Variants in SNX25 observed in about 807,000 individuals in gnomAD.
SNX25 encodes the protein sorting nexin-25.
Under a neutral mutation model 113.7 loss-of-function variants are expected in SNX25, and 62 were observed. The ratio of observed to expected loss-of-function variants is 0.55; its 90% CI spans 0.44 to 0.67. The LOEUF (loss-of-function observed/expected upper bound fraction) is 0.67, where lower values mean the gene tolerates loss of function less well. SNX25 is among the 30% of genes least tolerant of loss of function. The pLI is 0.00. For synonymous variants in SNX25, 421 were observed against 436.2 expected, an observed-to-expected ratio of 0.97 and a Z score of 0.43; for missense variants, 1,014 against 1,161.0, an observed-to-expected ratio of 0.87 and a Z score of 1.84.
downstream of SNX25, chr4:185,370,986 A>C (rs1369169000): frequency 5.1e-6 from 3 of 592,724 alleles, no homozygotes; most frequent in Admixed American, 3.0e-5. Context: ...ATACCAGGAG[A>C]AGATGAGCTT....
Position 185,346,594 on chromosome 4 carries a change from T to A in SNX25, c.2245T>A (p.Ser749Thr), listed in dbSNP as rs148782130. ...LPSLSKLPFK[S>T]IDQKFMEKSK... The stretch of plus-strand genomic sequence containing the variant: ...TTCTCTTAGCAAGCTGCCTTTCAAA[T>A]CTATAGATCAAAAGTTTATGGAAAA... The change falls in exon 13 of 19, where the codon TCT becomes ACT. Residue 749 changes from serine to threonine, a missense_variant. Coordinates refer to ENST00000652585, the MANE Select transcript of SNX25 (RefSeq NM_001378034.2). 1.3e-6 allele frequency: 2 copies of A among 1,596,224 alleles called. No individual in the cohort carries two copies. The highest frequency in any genetic ancestry group is 1.4e-5 in the African/African-American group (1 of 73,620).
chr4:185,296,323 G>A (rs763521078), intron 6 of SNX25, among the ~76,000 whole-genome samples: 8 of 152,086 alleles, frequency 5.3e-5, no homozygotes, highest in Non-Finnish European at 8.8e-5. Flanking sequence ...AAGACAACCC[G>A]TAGAGCTCTT....
At chr4:185,208,684 C>A (rs374565547), upstream of SNX25, among the ~76,000 whole-genome samples, 27 of 151,918 alleles carry the variant, frequency 1.8e-4, no homozygotes, top group South Asian at 6.3e-4. Flanking sequence ...GCCGAGATCG[C>A]CCCACTGCAC....
chr4:185,367,303 C>CAT, downstream of SNX25: 1 of 1,105,354 alleles, frequency 9.0e-7, no homozygotes, highest in Non-Finnish European at 1.3e-6. Flanking sequence ...GGTCTTTCTT[C>CAT]TTTTTTTTTT....
intron 5 of SNX25, among the ~76,000 whole-genome samples, chr4:185,272,136 G>A (rs950986197): frequency 6.6e-6 from 1 of 152,212 alleles, no homozygotes; most frequent in Non-Finnish European, 1.5e-5. Context: ...AGCAGTGACT[G>A]ACTCTGCTAA....
Position 185,259,090 on chromosome 4 carries a change from C to T in SNX25, c.731+26C>T, listed in dbSNP as rs565678905. ...GTAACTGTTCTAAGCAACTTACCCC[C>T]TTTTTTGCATTAATTTTTTTTAATT... is the stretch of plus-strand genomic sequence containing the variant. On this transcript the variant is annotated intron_variant, in intron 3 of 18. Coordinates refer to ENST00000652585, the MANE Select transcript of SNX25 (RefSeq NM_001378034.2). 6.3e-6 allele frequency: 10 copies of T among 1,585,404 alleles called. 1 individual carries two copies. In the South Asian group the frequency reaches 1.0e-4, roughly 16 times the overall value.
Position 185,321,142 on chromosome 4 carries a change from C to A in SNX25, c.1476+278C>A, listed in dbSNP as rs1033700654. Among the ~76,000 whole-genome samples the A allele has an allele frequency of 1.3e-5, 2 of 152,002 alleles. 1 individual carries two copies. The highest frequency in any genetic ancestry group is 1.3e-4 in the Admixed American group (2 of 15,254). On this transcript the variant is annotated intron_variant, in intron 8 of 18. Transcript: ENST00000652585. ...ATTTTTTTTACACATTGTAAAAAGA[C>A]ATATACATATCCACATTACTATTAT...
intron 4 of SNX25, among the ~76,000 whole-genome samples, chr4:185,265,790 A>G (rs1185761502): frequency 6.6e-6 from 1 of 152,112 alleles, no homozygotes; most frequent in Non-Finnish European, 1.5e-5. Context: ...TACTATTGAC[A>G]GTGCAATAGG....
At chr4:185,376,842 A>T in the SNX25 span, 1 of 1,118,818 alleles carries the variant, frequency 8.9e-7, no homozygotes, top group Non-Finnish European at 1.3e-6. Flanking sequence ...ACTCTACATG[A>T]AATTTTTGTC....
Position 185,321,875 on chromosome 4 carries a change from G to A in SNX25, c.1476+1011G>A, listed in dbSNP as rs923204736. Reference sequence around the variant, plus strand: ...AATCAGCCATTTACGGAGCATTTACGTTGTATTAGGTATAAGTAATCTAGA... The same window carrying A: ...AATCAGCCATTTACGGAGCATTTACATTGTATTAGGTATAAGTAATCTAGA... On this transcript the variant is annotated intron_variant, in intron 8 of 18. Coordinates refer to ENST00000652585, the MANE Select transcript of SNX25 (RefSeq NM_001378034.2). Among the ~76,000 whole-genome samples the A allele has an allele frequency of 3.9e-5, 6 of 152,076 alleles. No homozygotes were observed. In the South Asian group the frequency reaches 6.2e-4, roughly 16 times the overall value.
At chr4:185,335,316 TCACACACACA>T (rs3047486) in intron 10 of SNX25, among the ~76,000 whole-genome samples, 1,604 of 140,884 alleles carry the variant, frequency 0.011, 22 homozygotes, top group African/African-American at 0.038. Flanking sequence ...TGAAAAAGTC[TCACACACACA>T]CACACACACA....
downstream of SNX25, among the ~76,000 whole-genome samples, chr4:185,373,957 G>A (rs1279993425): frequency 2.0e-5 from 3 of 152,094 alleles, no homozygotes; most frequent in Non-Finnish European, 2.9e-5. Context: ...GGTAGAGGTA[G>A]GGAAGGGGAC....
intron 8 of SNX25, among the ~76,000 whole-genome samples, chr4:185,322,862 T>A (rs1214072993): frequency 6.6e-6 from 1 of 152,258 alleles, no homozygotes; most frequent in Non-Finnish European, 1.5e-5. Flanking sequence ...TTAAATTAGT[T>A]ATGTTCATTA....
chr4:185,301,212 C>T (rs931032220), intron 6 of SNX25, among the ~76,000 whole-genome samples: 1 of 149,566 alleles, frequency 6.7e-6, no homozygotes, highest in African/African-American at 2.6e-5. Flanking sequence ...CACATTTCAA[C>T]ACAGTTGTCT....
intron 1 of SNX25, among the ~76,000 whole-genome samples, chr4:185,231,615 G>A (rs1741883383): frequency 6.6e-6 from 1 of 151,794 alleles, no homozygotes; most frequent in South Asian, 2.1e-4. Context: ...GGAGGCTGAG[G>A]CAGGAGAATG....
intron 8 of SNX25, among the ~76,000 whole-genome samples, chr4:185,322,345 T>G (rs2095126792): frequency 6.6e-6 from 1 of 152,018 alleles, no homozygotes; most frequent in Non-Finnish European, 1.5e-5. Flanking sequence ...GCAAGAGAAT[T>G]GCTTGAACCT....
At chr4:185,356,085 A>C (rs981921538) in intron 15 of SNX25, among the ~76,000 whole-genome samples, 1 of 152,170 alleles carries the variant, frequency 6.6e-6, no homozygotes, top group Non-Finnish European at 1.5e-5. Flanking sequence ...GCAGAATCCT[A>C]GTGCTGCTGC....
At position 185,320,635 on chromosome 4, in the gene SNX25, T is replaced by G. The variant is rs183182795; in HGVS notation, c.1345-98T>G. 56 of 890,450 alleles carry G rather than the reference T, an allele frequency of 6.3e-5. No homozygotes were observed. In the East Asian group the frequency reaches 1.4e-3, roughly 22 times the overall value. 55.2% of individuals were successfully genotyped at this position (890,450 alleles called of 1,614,324 possible). On this transcript the variant is annotated intron_variant, in intron 7 of 18. Coordinates refer to ENST00000652585, the MANE Select transcript of SNX25 (RefSeq NM_001378034.2). ...TTACTTTATTCCTTTAAAAAATGCATTTTTACCCTAAATGTAGAAATCAGT... is the reference window on the plus strand; with the variant it reads ...TTACTTTATTCCTTTAAAAAATGCAGTTTTACCCTAAATGTAGAAATCAGT...
intron 6 of SNX25, among the ~76,000 whole-genome samples, chr4:185,298,106 TG>T (rs1375656062): frequency 2.0e-5 from 3 of 151,474 alleles, no homozygotes; most frequent in African/African-American, 7.3e-5. Flanking sequence ...TTTTTTTTTT[TG>T]AGATGGAGTC....
Sources: allele counts gnomAD v4.1 joint callset (sites outside exome capture counted in the v4.1 genomes callset), GRCh38; gene constraint gnomAD v4.1.1; transcripts MANE v1.5; gene names NCBI Gene and HGNC (gene_info 2026-07-23, HGNC 2026-07-21).